CNBD1: variants seen among roughly 807,000 people sequenced by gnomAD.
CNBD1 encodes cyclic nucleotide binding domain containing 1.
Under a neutral mutation model 54.4 loss-of-function variants are expected in CNBD1, and 71 were observed. The observed-to-expected ratio is 1.30, with a 90% confidence interval of 1.08 to 1.59. The LOEUF (loss-of-function observed/expected upper bound fraction) is 1.59, where lower values mean the gene tolerates loss of function less well. Among genes scored for constraint, CNBD1 ranks in the 40% most tolerant of loss-of-function variants. The pLI is 0.00. For synonymous variants in CNBD1, 182 were observed against 170.7 expected (o/e 1.07, Z -0.51); for missense variants, 659 against 518.0 (o/e 1.27, Z -2.64).
chr8:87,425,850 G>T (rs1187704513), intron 2 of CNBD1, among the ~76,000 whole-genome samples: 6 of 152,084 alleles, frequency 3.9e-5, no homozygotes, highest in Non-Finnish European at 7.4e-5. Context: ...GCTCCACCCA[G>T]TTCGAGCTTC....
intron 4 of CNBD1, among the ~76,000 whole-genome samples, chr8:87,058,154 G>A (rs1407433540): frequency 6.6e-6 from 1 of 152,144 alleles, no homozygotes; most frequent in African/African-American, 2.4e-5. Flanking sequence ...AAACAATAAA[G>A]TTCCAAAATG....
chr8:87,328,186 C>A (rs894286886), intron 8 of CNBD1, among the ~76,000 whole-genome samples: 10 of 151,948 alleles, frequency 6.6e-5, no homozygotes, highest in African/African-American at 2.2e-4. Context: ...CTCCCTGTGT[C>A]CATTGTTCGA....
chr8:87,229,725 T>C lies in CNBD1; in HGVS notation c.578-7194T>C, dbSNP rs552810679. 3.9e-5 allele frequency among the ~76,000 whole-genome samples: 6 copies of C among 152,282 alleles called. No individual in the cohort carries two copies. The East Asian group carries it at 9.6e-4, about 24-fold the overall frequency. ...ATCATTTTCCTTTTTTATTCTCCCC[T>C]AGTACATCTATACAGAAGTCAACCA... is the stretch of plus-strand genomic sequence containing the variant. On this transcript the variant is annotated intron_variant, in intron 5 of 10. Coordinates refer to ENST00000518476, the MANE Select transcript of CNBD1 (RefSeq NM_173538.3).
intron 4 of CNBD1, among the ~76,000 whole-genome samples, chr8:87,177,611 G>C (rs1813226584): frequency 6.6e-6 from 1 of 152,054 alleles, no homozygotes; most frequent in Admixed American, 6.6e-5. Context: ...ACACAGTGCT[G>C]CTTATAAATT....
chr8:87,180,786 A>C (rs1248110464), intron 4 of CNBD1, among the ~76,000 whole-genome samples: 15 of 152,216 alleles, frequency 9.9e-5, no homozygotes, highest in Admixed American at 9.8e-4. Context: ...CAGGCAGTCC[A>C]TATTTTATGT....
intron 4 of CNBD1, among the ~76,000 whole-genome samples, chr8:87,085,572 A>C (rs1470432756): frequency 6.6e-6 from 1 of 152,100 alleles, no homozygotes; most frequent in Non-Finnish European, 1.5e-5. Context: ...TGCACTGCTG[A>C]TTTCAAATTC....
intron 10 of CNBD1, among the ~76,000 whole-genome samples, chr8:87,363,431 C>A (rs1315003689): frequency 2.6e-5 from 4 of 152,070 alleles, no homozygotes; most frequent in Non-Finnish European, 5.9e-5. Context: ...ACACTGTCTT[C>A]CACAATGGTT....
chr8:87,382,573 T>C (rs963067233), intron 10 of CNBD1, 47 bp from the exon 11 acceptor site: 1 of 1,486,926 alleles, frequency 6.7e-7, no homozygotes, highest in African/African-American at 1.4e-5. Flanking sequence ...TTACCAAAAA[T>C]GAGTATTTAT....
intron 2 of CNBD1, among the ~76,000 whole-genome samples, chr8:87,409,581 TAGC>T (rs1319968226): frequency 6.6e-5 from 10 of 152,250 alleles, no homozygotes; most frequent in African/African-American, 1.4e-4. Context: ...TCAACTTTCA[TAGC>T]AGGAGAAGAG....
At chr8:87,357,673 G>A (rs1308105448) in intron 10 of CNBD1, among the ~76,000 whole-genome samples, 1 of 152,192 alleles carries the variant, frequency 6.6e-6, no homozygotes, top group Non-Finnish European at 1.5e-5. Flanking sequence ...TTGAGTCTCA[G>A]ATGGAACTTT....
chr8:86,928,441 AG>A (rs1468376396), intron 3 of CNBD1, among the ~76,000 whole-genome samples: 2 of 152,160 alleles, frequency 1.3e-5, no homozygotes, highest in Non-Finnish European at 2.9e-5. Context: ...GGCACAGTGA[AG>A]GTTATATTGT....
intron 4 of CNBD1, among the ~76,000 whole-genome samples, chr8:87,147,882 T>A (rs1812522731): frequency 6.6e-6 from 1 of 152,180 alleles, no homozygotes; most frequent in Admixed American, 6.5e-5. Context: ...CTAACTCTTT[T>A]ACTTTCTATT....
At chr8:87,148,414 A>C (rs1812533651) in intron 4 of CNBD1, among the ~76,000 whole-genome samples, 1 of 152,160 alleles carries the variant, frequency 6.6e-6, no homozygotes, top group Non-Finnish European at 1.5e-5. Context: ...ACCATGGCAA[A>C]TCCTATGAAG....
chr8:87,234,374 T>G (rs1807529605), intron 5 of CNBD1, among the ~76,000 whole-genome samples: 1 of 152,212 alleles, frequency 6.6e-6, no homozygotes, highest in Non-Finnish European at 1.5e-5. Context: ...GCTATAGACT[T>G]ATGAAATGTA....
intron 10 of CNBD1, among the ~76,000 whole-genome samples, chr8:87,365,298 G>A (rs962113153): frequency 6.6e-6 from 1 of 151,900 alleles, no homozygotes; most frequent in Non-Finnish European, 1.5e-5. Context: ...TTGGCCGTGT[G>A]TATGCTAAAG....
intron 10 of CNBD1, among the ~76,000 whole-genome samples, chr8:87,370,564 T>A (rs1408131273): frequency 1.3e-5 from 2 of 152,140 alleles, no homozygotes; most frequent in African/African-American, 2.4e-5. Flanking sequence ...GCCCACTTTT[T>A]GATGGGGTTG....
chr8:86,910,172 TA>T (rs947548246), intron 3 of CNBD1, among the ~76,000 whole-genome samples: 1 of 151,930 alleles, frequency 6.6e-6, no homozygotes, highest in African/African-American at 2.4e-5. Flanking sequence ...TGAGGAACAT[TA>T]AAAAAAAGTT....
chr8:86,983,399 A>G (rs1209962176), intron 4 of CNBD1, among the ~76,000 whole-genome samples: 6 of 152,186 alleles, frequency 3.9e-5, no homozygotes, highest in African/African-American at 1.4e-4. Context: ...AATTGGTACC[A>G]GTAGAGTGGG....
chr8:87,189,492 T>C (rs150759320), intron 4 of CNBD1, among the ~76,000 whole-genome samples: 1 of 152,288 alleles, frequency 6.6e-6, no homozygotes, highest in African/African-American at 2.4e-5. Context: ...GTATACCATG[T>C]CCTTTAATTC....
Sources: allele counts gnomAD v4.1 joint callset (sites outside exome capture counted in the v4.1 genomes callset), GRCh38; gene constraint gnomAD v4.1.1; transcripts MANE v1.5; gene names NCBI Gene and HGNC (gene_info 2026-07-23, HGNC 2026-07-21).